Variants in ULK4 observed in about 807,000 individuals in gnomAD.
ULK4 encodes inactive serine/threonine-protein kinase ULK4.
A neutral mutation model predicts 160.6 loss-of-function variants in ULK4; 133 were observed. The ratio of observed to expected loss-of-function variants is 0.83; its 90% CI spans 0.72 to 0.96. The LOEUF is 0.96. ULK4 is among the 40% of genes least tolerant of loss of function. The pLI is 0.00. For missense variants in ULK4, 1,580 were observed against 1,499.5 expected (o/e 1.05, Z -0.89); for synonymous variants, 534 against 539.8 (o/e 0.99, Z 0.15).
chr3:41,688,872 T>C (rs1011547566), intron 27 of ULK4, among the ~76,000 whole-genome samples: 1 of 152,190 alleles, frequency 6.6e-6, no homozygotes, highest in Non-Finnish European at 1.5e-5. Flanking sequence ...AGCCAGACTA[T>C]ATAAGACAAT....
At chr3:41,692,886 A>G (rs896074646) in intron 27 of ULK4, among the ~76,000 whole-genome samples, 2 of 152,176 alleles carry the variant, frequency 1.3e-5, no homozygotes, top group African/African-American at 4.8e-5. Flanking sequence ...ACATATGCAC[A>G]TTAGCTTCTG....
At chr3:41,647,155 G>A (rs181866759) in intron 30 of ULK4, among the ~76,000 whole-genome samples, 41 of 152,160 alleles carry the variant, frequency 2.7e-4, no homozygotes, top group Admixed American at 1.6e-3. Context: ...CCTGTAGCTC[G>A]GAGTAGTTTG....
chr3:41,844,790 T>TA lies in ULK4; in HGVS notation c.1657-8820dup, dbSNP rs35532895. ...ACTCGGAAAACTTTGGAGGTTTTTC[T>TA]AAAAAAAAAAAAAAAAAAAAACAGC... On this transcript the variant is annotated intron_variant, in intron 17 of 36. Transcript: ENST00000301831. Among the ~76,000 whole-genome samples the TA allele has an allele frequency of 1.7e-3, 211 of 125,036 alleles. 2 individuals are homozygous for TA. Among genetic ancestry groups the TA allele is most frequent in the South Asian group, 6.6e-3 (25 of 3,794 alleles). The allele number at this position is 125,036 out of a possible 152,430, so 82.0% of individuals were successfully genotyped here. A position where few individuals can be genotyped will look rare whatever the true frequency, so the allele number is the denominator to read the frequency against.
intron 35 of ULK4, among the ~76,000 whole-genome samples, chr3:41,391,725 G>A (rs945787419): frequency 5.9e-5 from 9 of 151,872 alleles, no homozygotes; most frequent in Admixed American, 1.3e-4. Context: ...GAGAAGGGCC[G>A]ATACCTATAT....
intron 22 of ULK4, among the ~76,000 whole-genome samples, chr3:41,750,930 C>T (rs1218163535): frequency 6.8e-6 from 1 of 147,104 alleles, no homozygotes; most frequent in African/African-American, 2.5e-5. Flanking sequence ...GCGGAGATTG[C>T]AGTGAGCTGA....
intron 22 of ULK4, among the ~76,000 whole-genome samples, chr3:41,750,767 G>A (rs560449989): frequency 8.6e-5 from 13 of 151,982 alleles, no homozygotes; most frequent in South Asian, 2.1e-4. Context: ...AGGTCAAGGC[G>A]GGTGGATTAT....
At chr3:41,515,715 CAGA>C (rs1184129735) in intron 32 of ULK4, among the ~76,000 whole-genome samples, 1 of 152,144 alleles carries the variant, frequency 6.6e-6, no homozygotes, top group East Asian at 1.9e-4. Flanking sequence ...ATGAGGAGAA[CAGA>C]AGGAGGGAAA....
intron 33 of ULK4, among the ~76,000 whole-genome samples, chr3:41,457,676 G>A (rs2083586400): frequency 6.6e-6 from 1 of 152,146 alleles, no homozygotes; most frequent in African/African-American, 2.4e-5. Flanking sequence ...ACTCCCTCAT[G>A]TCAGCCTCCT....
At chr3:41,531,114 CA>C (rs2086293907) in intron 32 of ULK4, among the ~76,000 whole-genome samples, 1 of 149,728 alleles carries the variant, frequency 6.7e-6, no homozygotes, top group African/African-American at 2.5e-5. Context: ...GATACTGTAA[CA>C]GGGGATAGTT....
At chr3:41,859,683 A>T (rs1157993111) in intron 17 of ULK4, 3 of 387,988 alleles carry the variant, frequency 7.7e-6, no homozygotes, top group Non-Finnish European at 1.5e-5. Flanking sequence ...TTTTAGACAG[A>T]GTCTCACTCT....
At chr3:41,723,776 A>T in intron 22 of ULK4, among the ~76,000 whole-genome samples, 1 of 152,238 alleles carries the variant, frequency 6.6e-6, no homozygotes, top group Non-Finnish European at 1.5e-5. Context: ...AACTGCAAAC[A>T]GGGGACTAAG....
At chr3:41,286,299 G>A (rs2079455786) in intron 35 of ULK4, among the ~76,000 whole-genome samples, 2 of 152,156 alleles carry the variant, frequency 1.3e-5, no homozygotes, top group South Asian at 4.1e-4. Flanking sequence ...TTCAGAGGGA[G>A]TGAGTGGGGC....
At chr3:41,417,662 G>C (rs2082558140) in intron 34 of ULK4, among the ~76,000 whole-genome samples, 1 of 152,104 alleles carries the variant, frequency 6.6e-6, no homozygotes, top group Non-Finnish European at 1.5e-5. Context: ...CTAGGCAGCA[G>C]GAACAAGAGA....
chr3:41,814,937 CT>C (rs1403609970), intron 19 of ULK4, among the ~76,000 whole-genome samples: 1 of 109,170 alleles, frequency 9.2e-6, no homozygotes. Flanking sequence ...GAGATGGAGT[CT>C]TGTTCTGTTG....
At chr3:41,385,354 T>A (rs1176810664) in intron 35 of ULK4, among the ~76,000 whole-genome samples, 1 of 151,240 alleles carries the variant, frequency 6.6e-6, no homozygotes, top group African/African-American at 2.4e-5. Context: ...GTAGAGAGAG[T>A]AGGGAACAAA....
chr3:41,386,061 A>G lies in ULK4; in HGVS notation c.3678+12018T>C, dbSNP rs77165128. 6.7e-3 allele frequency among the ~76,000 whole-genome samples: 1,015 copies of G among 152,296 alleles called. 3 individuals are homozygous for G. The highest frequency in any genetic ancestry group is 0.015 in the African/African-American group (625 of 41,566). On this transcript the variant is annotated intron_variant, in intron 35 of 36. Coordinates refer to ENST00000301831, the MANE Select transcript of ULK4 (RefSeq NM_017886.4). ...CAGCCATTCAGATCATAAACTTCAT[A>G]AGAGCAGAGGGCTTGCCTGTCTTGT...
At chr3:41,300,840 T>TCA (rs2079775759) in intron 35 of ULK4, among the ~76,000 whole-genome samples, 1 of 22,208 alleles carries the variant, frequency 4.5e-5, no homozygotes, top group Non-Finnish European at 1.1e-4. Context: ...TTACAGATTA[T>TCA]ATATATATAT....
intron 32 of ULK4, among the ~76,000 whole-genome samples, chr3:41,493,703 G>T (rs1349214792): frequency 6.6e-6 from 1 of 151,220 alleles, no homozygotes; most frequent in Non-Finnish European, 1.5e-5. Flanking sequence ...AACAAAAAAA[G>T]AGATAAGAAT....
chr3:41,624,134 T>G (rs1006596327), intron 30 of ULK4, among the ~76,000 whole-genome samples: 1 of 152,230 alleles, frequency 6.6e-6, no homozygotes, highest in Non-Finnish European at 1.5e-5. Context: ...CCTTACATCA[T>G]GCCTAGGTAG....
Sources: gnomAD v4.1 joint callset for allele counts (sites outside exome capture counted in the v4.1 genomes callset) on GRCh38, gnomAD v4.1.1 for gene constraint, MANE v1.5 for transcripts, NCBI Gene and HGNC (gene_info 2026-07-23, HGNC 2026-07-21) for gene names.